The following SSTR4 variants were observed in gnomAD, a reference collection of about 807,000 sequenced individuals.
SSTR4 encodes somatostatin receptor type 4.
For synonymous variants in SSTR4, 272 were observed against 246.3 expected, an observed-to-expected ratio of 1.10 and a Z score of -0.98; for missense variants, 649 against 540.6, an observed-to-expected ratio of 1.20 and a Z score of -1.99.
rs1380660589 is a variant in SSTR4 at position 23,035,452 on chromosome 20, C to T, written c.-32C>T. 2 of 1,382,610 alleles carry T rather than the reference C, an allele frequency of 1.4e-6. No individual in the cohort carries two copies. The highest frequency in any genetic ancestry group is 1.9e-6 in the Non-Finnish European group (2 of 1,075,940). 85.6% of individuals were successfully genotyped at this position (1,382,610 alleles called of 1,614,324 possible). ...CTCTGGCGCAGCGCTAGCTCCGCCGCGCTCAGCTGCCCTGCGCCGGCACCC... is the reference window on the plus strand; with the variant it reads ...CTCTGGCGCAGCGCTAGCTCCGCCGTGCTCAGCTGCCCTGCGCCGGCACCC... On this transcript the variant is annotated 5_prime_UTR_variant, in exon 1 of 1. Coordinates refer to ENST00000255008, the MANE Select transcript of SSTR4 (RefSeq NM_001052.4).
Position 23,036,425 on chromosome 20 carries a change from C to T in SSTR4, c.942C>T (p.Leu314=). 3.7e-6 allele frequency: 6 copies of T among 1,614,042 alleles called. No individual in the cohort carries two copies. The highest frequency in any genetic ancestry group is 5.1e-6 in the Non-Finnish European group (6 of 1,179,942). Residue 314 remains leucine (L), a synonymous_variant, in exon 1 of 1, where the codon CTC becomes CTT. Transcript: ENST00000255008. ...CCAACCCCATTCTCTATGGCTTCCTCTCCGACAACTTCCGCCGATTCTTCC... is the reference window on the plus strand; with the variant it reads ...CCAACCCCATTCTCTATGGCTTCCTTTCCGACAACTTCCGCCGATTCTTCC... ...SCANPILYGF[L]SDNFRRFFQR...
In SSTR4 at chr20:23,037,946, G is replaced by A. The variant is rs1414991603; in HGVS notation, c.*1296G>A. ...AGGTCAACACCCTATGCCCTTCAGA[G>A]TGGTCAGCCTCACAGACCACTCTGA... On this transcript the variant is annotated 3_prime_UTR_variant, in exon 1 of 1. Coordinates refer to ENST00000255008, the MANE Select transcript of SSTR4 (RefSeq NM_001052.4). Among the ~76,000 whole-genome samples the A allele has an allele frequency of 6.6e-6, 1 of 152,132 alleles. No individual in the cohort carries two copies. Among genetic ancestry groups the A allele is most frequent in the Admixed American group, 6.5e-5 (1 of 15,270 alleles).
rs1984341101 is a variant in SSTR4 at position 23,036,758 on chromosome 20, T to C, written c.*108T>C. 7 of 1,285,804 alleles carry C rather than the reference T, an allele frequency of 5.4e-6. No individual in the cohort carries two copies. In the African/African-American group the frequency reaches 7.5e-5, roughly 14 times the overall value. 79.6% of individuals were successfully genotyped at this position (1,285,804 alleles called of 1,614,324 possible). On this transcript the variant is annotated 3_prime_UTR_variant, in exon 1 of 1. Transcript: ENST00000255008. ...GAATGCTCACCTAAGCTCCACCACC[T>C]GTTCCTTCCAGCAGCCCATGTACCT...
rs933826047 is a variant in SSTR4 at position 23,037,757 on chromosome 20, C to T, written c.*1107C>T. Among the ~76,000 whole-genome samples, 2 of 152,182 alleles carry T rather than the reference C, an allele frequency of 1.3e-5. No individual in the cohort carries two copies. The highest frequency in any genetic ancestry group is 2.9e-5 in the Non-Finnish European group (2 of 68,042). On this transcript the variant is annotated 3_prime_UTR_variant, in exon 1 of 1. Coordinates refer to ENST00000255008, the MANE Select transcript of SSTR4 (RefSeq NM_001052.4). Reference sequence around the variant, plus strand: ...AGGGGACAAAGGAGAACTTGGAACACTTATGTTAGCATCTGGTGTAACAAC... The same window carrying T: ...AGGGGACAAAGGAGAACTTGGAACATTTATGTTAGCATCTGGTGTAACAAC...
chr20:23,038,984 A>T lies in SSTR4; in HGVS notation c.*2334A>T, dbSNP rs6113908. 50,143 of 152,050 alleles carry T rather than the reference A, an allele frequency of 0.33. 8,527 individuals carry two copies. Among genetic ancestry groups the T allele is most frequent in the Middle Eastern group, 0.48 (140 of 292 alleles). 9.4% of individuals were successfully genotyped at this position (152,050 alleles called of 1,614,324 possible). A position where few individuals can be genotyped will look rare whatever the true frequency, so the allele number is the denominator to read the frequency against. On this transcript the variant is annotated 3_prime_UTR_variant, in exon 1 of 1. Transcript: ENST00000255008. ...GGGGCTGTGTTTGGAGCCCATCAAC[A>T]GTGCTACCAGCTTTAGTTCCATCAA...
At position 23,035,931 on chromosome 20, in the gene SSTR4, C is replaced by A. The variant is rs746804112; in HGVS notation, c.448C>A (p.His150Asn). Reference protein sequence around the residue: ...LSVDRYVAVVHPLRAATYRRP... With the variant: ...LSVDRYVAVVNPLRAATYRRP... Reference sequence around the variant, plus strand: ...CGTGGACCGCTACGTGGCCGTGGTGCACCCTCTGCGCGCGGCGACCTACCG... The same window carrying A: ...CGTGGACCGCTACGTGGCCGTGGTGAACCCTCTGCGCGCGGCGACCTACCG... The change falls in exon 1 of 1, where the codon CAC becomes AAC. Residue 150 changes from histidine (H) to asparagine (N), a missense_variant. His to Asn is a moderately conservative substitution (Grantham distance 68). Coordinates refer to ENST00000255008, the MANE Select transcript of SSTR4 (RefSeq NM_001052.4). 2.5e-6 allele frequency: 4 copies of A among 1,612,376 alleles called. No individual in the cohort carries two copies. The African/African-American group carries it at 4.0e-5, about 16-fold the overall frequency.
At position 23,036,666 on chromosome 20, in the gene SSTR4, C is replaced by T; in HGVS notation, c.*16C>T. On this transcript the variant is annotated 3_prime_UTR_variant, in exon 1 of 1. Transcript: ENST00000255008. ...CACCTTCTGAGGAGCCCTTCCCCTA[C>T]CCACCCTGCGTGGCCACCTCCCAAG... 1.3e-6 allele frequency: 2 copies of T among 1,528,160 alleles called. No individual in the cohort carries two copies. The highest frequency in any genetic ancestry group is 1.8e-6 in the Non-Finnish European group (2 of 1,139,568). The allele number at this position is 1,528,160 out of a possible 1,614,324, so 94.7% of individuals were successfully genotyped here.
rs1568662341 is a variant in SSTR4 at position 23,036,680 on chromosome 20, C to G, written c.*30C>G. The G allele has an allele frequency of 6.6e-7, 1 of 1,523,230 alleles. No homozygotes were observed. Among genetic ancestry groups the G allele is most frequent in the East Asian group, 2.3e-5 (1 of 44,144 alleles). 94.4% of individuals were successfully genotyped at this position (1,523,230 alleles called of 1,614,324 possible). On this transcript the variant is annotated 3_prime_UTR_variant, in exon 1 of 1. Transcript: ENST00000255008. ...CCCTTCCCCTACCCACCCTGCGTGG[C>G]CACCTCCCAAGGGGTGGGCACCATT...
At position 23,036,162 on chromosome 20, in the gene SSTR4, A is replaced by G; in HGVS notation, c.679A>G (p.Ile227Val). Residue 227 changes from isoleucine (I) to valine (V), a missense_variant, in exon 1 of 1, where the codon ATT becomes GTT. Physicochemically the swap from Ile to Val is conservative, Grantham distance 29. Transcript: ENST00000255008. ...LLGFLLPVLAIGLCYLLIVGK... is the reference protein window; with the variant it reads ...LLGFLLPVLAVGLCYLLIVGK... ...GGGCTTCCTGCTGCCCGTGCTGGCC[A>G]TTGGCCTGTGCTACCTGCTCATCGT... is the stretch of plus-strand genomic sequence containing the variant. The G allele has an allele frequency of 6.2e-7, 1 of 1,609,856 alleles. No individual in the cohort carries two copies. The highest frequency in any genetic ancestry group is 8.5e-7 in the Non-Finnish European group (1 of 1,179,772).
At position 23,037,920 on chromosome 20, in the gene SSTR4, A is replaced by C. The variant is rs964711998; in HGVS notation, c.*1270A>C. On this transcript the variant is annotated 3_prime_UTR_variant, in exon 1 of 1. Coordinates refer to ENST00000255008, the MANE Select transcript of SSTR4 (RefSeq NM_001052.4). The stretch of plus-strand genomic sequence containing the variant: ...GTGTGGGGAGGGGGAGAGACAGCCA[A>C]AGGTCAACACCCTATGCCCTTCAGA... Among the ~76,000 whole-genome samples, 1 of 152,104 alleles carries C rather than the reference A, an allele frequency of 6.6e-6. No homozygotes were observed. The highest frequency in any genetic ancestry group is 1.5e-5 in the Non-Finnish European group (1 of 68,018).
rs577642038 is a variant in SSTR4 at position 23,036,782 on chromosome 20, C to T, written c.*132C>T. ...CTGTTCCTTCCAGCAGCCCATGTAC[C>T]TGCCGGAGAGTGTCAGAACTCTTCT... On this transcript the variant is annotated 3_prime_UTR_variant, in exon 1 of 1. Transcript: ENST00000255008. 60 of 1,054,138 alleles carry T rather than the reference C, an allele frequency of 5.7e-5. 1 individual carries two copies. Among genetic ancestry groups the T allele is most frequent in the Middle Eastern group, 5.8e-4 (2 of 3,472 alleles). The allele number at this position is 1,054,138 out of a possible 1,614,324, so 65.3% of individuals were successfully genotyped here.
At position 23,035,648 on chromosome 20, in the gene SSTR4, G is replaced by A. The variant is rs200775174; in HGVS notation, c.165G>A (p.Ala55=). 4.4e-5 allele frequency: 68 copies of A among 1,540,314 alleles called. 1 individual carries two copies. The South Asian group carries it at 8.3e-4, about 19-fold the overall frequency. ...TGGTCGCTATCCAGTGCATCTACGC[G>A]CTGGTGTGCCTGGTGGGGCTGGTGG... ...AGMVAIQCIY[A]LVCLVGLVGN... Residue 55 remains alanine (A), a synonymous_variant, in exon 1 of 1, where the codon GCG becomes GCA. Coordinates refer to ENST00000255008, the MANE Select transcript of SSTR4 (RefSeq NM_001052.4).
chr20:23,037,413 G>A lies in SSTR4; in HGVS notation c.*763G>A, dbSNP rs1984359466. 6.6e-6 allele frequency: 1 copy of A among 152,138 alleles called. No homozygotes were observed. The highest frequency in any genetic ancestry group is 2.4e-5 in the African/African-American group (1 of 41,422). The allele number at this position is 152,138 out of a possible 1,614,324, so 9.4% of individuals were successfully genotyped here. On this transcript the variant is annotated 3_prime_UTR_variant, in exon 1 of 1. Transcript: ENST00000255008. ...CCCTGATCCTTTGATGTGGGAACATGAGAACTCATTAAGGCAGCAATTTAT... is the reference window on the plus strand; with the variant it reads ...CCCTGATCCTTTGATGTGGGAACATAAGAACTCATTAAGGCAGCAATTTAT...
Position 23,037,442 on chromosome 20 carries a change from GT to G in SSTR4, c.*793del, listed in dbSNP as rs1417087249. The G allele has an allele frequency of 6.6e-6, 1 of 152,108 alleles. No homozygotes were observed. The highest frequency in any genetic ancestry group is 1.5e-5 in the Non-Finnish European group (1 of 68,020). 9.4% of individuals were successfully genotyped at this position (152,108 alleles called of 1,614,324 possible). A position where few individuals can be genotyped will look rare whatever the true frequency, so the allele number is the denominator to read the frequency against. On this transcript the variant is annotated 3_prime_UTR_variant, in exon 1 of 1. Transcript: ENST00000255008. ...ACTCATTAAGGCAGCAATTTATACT[GT>G]GGTGGTGAGTGAGAGAGGAGCCATG...
Position 23,038,667 on chromosome 20 carries a change from A to G in SSTR4, c.*2017A>G, listed in dbSNP as rs1412067122. Among the ~76,000 whole-genome samples the G allele has an allele frequency of 2.0e-5, 3 of 152,210 alleles. No homozygotes were observed. The highest frequency in any genetic ancestry group is 4.4e-5 in the Non-Finnish European group (3 of 68,038). On this transcript the variant is annotated 3_prime_UTR_variant, in exon 1 of 1. Coordinates refer to ENST00000255008, the MANE Select transcript of SSTR4 (RefSeq NM_001052.4). ...CAGTTTCCCACTTGGAATATGTGCC[A>G]AGGGAGGTTCGAGTTTTGAGCTCTT...
In SSTR4 at chr20:23,036,785, C is replaced by A; in HGVS notation, c.*135C>A. Reference sequence around the variant, plus strand: ...TTCCTTCCAGCAGCCCATGTACCTGCCGGAGAGTGTCAGAACTCTTCTGCT... The same window carrying A: ...TTCCTTCCAGCAGCCCATGTACCTGACGGAGAGTGTCAGAACTCTTCTGCT... On this transcript the variant is annotated 3_prime_UTR_variant, in exon 1 of 1. Transcript: ENST00000255008. 2.0e-6 allele frequency: 2 copies of A among 1,016,546 alleles called. No individual in the cohort carries two copies. The highest frequency in any genetic ancestry group is 2.8e-6 in the Non-Finnish European group (2 of 704,644). 63.0% of individuals were successfully genotyped at this position (1,016,546 alleles called of 1,614,324 possible).
At position 23,037,061 on chromosome 20, in the gene SSTR4, A is replaced by G. The variant is rs1306436776; in HGVS notation, c.*411A>G. ...TGCAGACGCTCTGCCTTGTGGTGGG[A>G]GCACAGCTTGTACAGGAGAGAGGAG... On this transcript the variant is annotated 3_prime_UTR_variant, in exon 1 of 1. Coordinates refer to ENST00000255008, the MANE Select transcript of SSTR4 (RefSeq NM_001052.4). Among the ~76,000 whole-genome samples, 1 of 152,148 alleles carries G rather than the reference A, an allele frequency of 6.6e-6. No homozygotes were observed. The highest frequency in any genetic ancestry group is 1.5e-5 in the Non-Finnish European group (1 of 68,020).
rs748748744 is a variant in SSTR4 at position 23,036,098 on chromosome 20, G to A, written c.615G>A (p.Pro205=). The A allele has an allele frequency of 6.2e-7, 1 of 1,601,034 alleles. No individual in the cohort carries two copies. The highest frequency in any genetic ancestry group is 8.5e-7 in the Non-Finnish European group (1 of 1,179,250). The change falls in exon 1 of 1, where the codon CCG becomes CCA. Residue 205 remains proline, a synonymous_variant. Coordinates refer to ENST00000255008, the MANE Select transcript of SSTR4 (RefSeq NM_001052.4). The stretch of plus-strand genomic sequence containing the variant: ...CCTGCAACCTGCAGTGGCCACACCC[G>A]GCCTGGTCGGCAGTCTTCGTGGTCT... ...AVACNLQWPH[P]AWSAVFVVYT...
At position 23,035,992 on chromosome 20, in the gene SSTR4, T is replaced by C. The variant is rs758626633; in HGVS notation, c.509T>C (p.Val170Ala). The change falls in exon 1 of 1, where the codon GTG becomes GCG. Residue 170 changes from valine (V) to alanine (A), a missense_variant. Transcript: ENST00000255008. Reference sequence around the variant, plus strand: ...GTGGCCAAGCTCATCAACCTGGGCGTGTGGCTGGCATCCCTGTTGGTCACT... The same window carrying C: ...GTGGCCAAGCTCATCAACCTGGGCGCGTGGCTGGCATCCCTGTTGGTCACT... ...PSVAKLINLG[V>A]WLASLLVTLP... The C allele has an allele frequency of 1.2e-6, 2 of 1,600,580 alleles. No individual in the cohort carries two copies. The highest frequency in any genetic ancestry group is 2.2e-5 in the South Asian group (2 of 89,994).
Sources: gnomAD v4.1 joint callset for allele counts (sites outside exome capture counted in the v4.1 genomes callset) on GRCh38, gnomAD v4.1.1 for gene constraint, MANE v1.5 for transcripts, NCBI Gene and HGNC (gene_info 2026-07-23, HGNC 2026-07-21) for gene names.